DLGAP2: variants seen among roughly 807,000 people sequenced by gnomAD.
The protein encoded by DLGAP2 is disks large-associated protein 2.
In DLGAP2, 26 loss-of-function variants were observed where a neutral mutation model predicts 100.3. The observed-to-expected ratio is 0.26, with a 90% CI of 0.19 to 0.36. The LOEUF (loss-of-function observed/expected upper bound fraction) is 0.36, where lower values mean the gene tolerates loss of function less well. Among genes scored for constraint, DLGAP2 ranks in the 10% least tolerant of loss-of-function variants. The pLI is 1.00. For synonymous variants in DLGAP2, 886 were observed against 630.1 expected (o/e 1.41, Z -6.08); for missense variants, 1,858 against 1,453.2 (o/e 1.28, Z -4.53).
At chr8:1,425,671 C>T (rs1449135398) in intron 3 of DLGAP2, among the ~76,000 whole-genome samples, 1 of 152,180 alleles carries the variant, frequency 6.6e-6, no homozygotes, top group Non-Finnish European at 1.5e-5. Flanking sequence ...TGAGACTGCC[C>T]TGATGGCAAG....
intron 2 of DLGAP2, among the ~76,000 whole-genome samples, chr8:1,239,906 A>T (rs1177856672): frequency 8.3e-6 from 1 of 119,942 alleles, no homozygotes; most frequent in Non-Finnish European, 1.7e-5. Flanking sequence ...TGCCATGTCT[A>T]GTTCTCTCAC....
At chr8:965,161 G>A (rs938610006) in intron 2 of DLGAP2, among the ~76,000 whole-genome samples, 7 of 144,530 alleles carry the variant, frequency 4.8e-5, no homozygotes, top group Non-Finnish European at 9.1e-5. Flanking sequence ...GGGCTCCTGA[G>A]TCTGACCCCT....
chr8:1,286,941 C>T (rs976767733), intron 3 of DLGAP2, among the ~76,000 whole-genome samples: 1 of 152,226 alleles, frequency 6.6e-6, no homozygotes, highest in Non-Finnish European at 1.5e-5. Context: ...AACTGGCCAT[C>T]AGCAAGTTAT....
chr8:1,037,055 C>T (rs1319386797), intron 2 of DLGAP2, among the ~76,000 whole-genome samples: 1 of 152,102 alleles, frequency 6.6e-6, no homozygotes, highest in Non-Finnish European at 1.5e-5. Flanking sequence ...TGGAGGAGCT[C>T]CCTCATGGCG....
At chr8:1,678,882 T>C in intron 12 of DLGAP2, 1 of 423,160 alleles carries the variant, frequency 2.4e-6, no homozygotes, top group Admixed American at 4.4e-5. Context: ...TCAACTGTGC[T>C]AACAGTTTTC....
rs572652184 is a variant in DLGAP2, at chr8:1,653,729, G to A, written c.1811-14600G>A. Among the ~76,000 whole-genome samples the A allele has an allele frequency of 4.6e-5, 7 of 151,630 alleles. No individual in the cohort carries two copies. In the South Asian group the frequency reaches 6.3e-4, roughly 14 times the overall value. The stretch of plus-strand genomic sequence containing the variant: ...TGCTTGGGCTGTGAACTGCAGGGGC[G>A]GACTCCTGTATTTCCTTTTCCATTA... On this transcript the variant is annotated intron_variant, in intron 8 of 14. Transcript: ENST00000637795.
At chr8:790,730 C>T (rs1271907600) in intron 1 of DLGAP2, among the ~76,000 whole-genome samples, 1 of 152,186 alleles carries the variant, frequency 6.6e-6, no homozygotes, top group Non-Finnish European at 1.5e-5. Flanking sequence ...TTTTCACCTT[C>T]ATGTGAAAAG....
chr8:1,029,345 A>G (rs988227492), intron 2 of DLGAP2, among the ~76,000 whole-genome samples: 3 of 152,190 alleles, frequency 2.0e-5, no homozygotes, highest in Non-Finnish European at 4.4e-5. Flanking sequence ...GAATACCAGC[A>G]TTTAGGGTGG....
At chr8:1,532,000 TAC>T (rs1801003613) in intron 4 of DLGAP2, among the ~76,000 whole-genome samples, 1 of 152,230 alleles carries the variant, frequency 6.6e-6, no homozygotes, top group Non-Finnish European at 1.5e-5. Flanking sequence ...ACGTAAGAAG[TAC>T]ACTGGTTCCG....
intron 2 of DLGAP2, among the ~76,000 whole-genome samples, chr8:1,202,567 C>T (rs1040715495): frequency 6.6e-6 from 1 of 152,112 alleles, no homozygotes; most frequent in African/African-American, 2.4e-5. Flanking sequence ...AGGAATTCCC[C>T]AGGAGATGGG....
chr8:919,753 C>T (rs1013193874), intron 2 of DLGAP2, among the ~76,000 whole-genome samples: 10 of 152,274 alleles, frequency 6.6e-5, no homozygotes, highest in African/African-American at 1.4e-4. Context: ...CGCCACCACC[C>T]GCCTCTCTTT....
intron 2 of DLGAP2, among the ~76,000 whole-genome samples, chr8:1,254,992 G>GCCC (rs1799149308): frequency 1.5e-5 from 2 of 129,526 alleles, no homozygotes; most frequent in African/African-American, 6.5e-5. Flanking sequence ...CTGTGTGTGT[G>GCCC]TCCTCTCATC....
chr8:1,068,735 A>C (rs541603718), intron 2 of DLGAP2, among the ~76,000 whole-genome samples: 1 of 152,238 alleles, frequency 6.6e-6, no homozygotes, highest in South Asian at 2.1e-4. Flanking sequence ...GGCTCAGCGC[A>C]TGTGGGTCCG....
At chr8:969,593 T>C (rs1194700057) in intron 2 of DLGAP2, among the ~76,000 whole-genome samples, 1 of 151,936 alleles carries the variant, frequency 6.6e-6, no homozygotes, top group Non-Finnish European at 1.5e-5. Flanking sequence ...ACAAAGATAA[T>C]ACATATTCAA....
At chr8:1,602,293 C>A (rs1207674249) in intron 6 of DLGAP2, among the ~76,000 whole-genome samples, 1 of 152,178 alleles carries the variant, frequency 6.6e-6, no homozygotes, top group Non-Finnish European at 1.5e-5. Context: ...AAGTGTAAGA[C>A]AGTGTTGCTG....
chr8:1,033,391 T>C (rs541702654), intron 2 of DLGAP2, among the ~76,000 whole-genome samples: 5 of 151,644 alleles, frequency 3.3e-5, no homozygotes, highest in African/African-American at 1.2e-4. Flanking sequence ...GGGTTGGGGG[T>C]GGTGGTGGCT....
intron 2 of DLGAP2, among the ~76,000 whole-genome samples, chr8:1,067,519 G>A (rs1023788120): frequency 6.6e-6 from 1 of 152,072 alleles, no homozygotes; most frequent in African/African-American, 2.4e-5. Flanking sequence ...TCCACACGGG[G>A]CTATGCCCGG....
At chr8:942,147 A>G (rs1176403698) in intron 2 of DLGAP2, among the ~76,000 whole-genome samples, 2 of 152,256 alleles carry the variant, frequency 1.3e-5, no homozygotes, top group South Asian at 4.1e-4. Flanking sequence ...GGGGTCTTGC[A>G]CTGTTTGCTC....
intron 6 of DLGAP2, among the ~76,000 whole-genome samples, chr8:1,587,347 TG>T (rs1417980033): frequency 6.6e-6 from 1 of 152,176 alleles, no homozygotes; most frequent in Admixed American, 6.5e-5. Flanking sequence ...AGGAAAATGG[TG>T]ATCTGGGGTG....
Sources: allele counts gnomAD v4.1 joint callset (sites outside exome capture counted in the v4.1 genomes callset), GRCh38; gene constraint gnomAD v4.1.1; transcripts MANE v1.5; gene names NCBI Gene and HGNC (gene_info 2026-07-23, HGNC 2026-07-21).